ADAM9: variants seen among roughly 807,000 people sequenced by gnomAD.
ADAM9 encodes the protein ADAM metallopeptidase domain 9.
Under a neutral mutation model 108.1 loss-of-function variants are expected in ADAM9, and 54 were observed. The ratio of observed to expected loss-of-function variants is 0.50; its 90% CI spans 0.40 to 0.63. ADAM9 has a LOEUF of 0.63. Ranked by LOEUF, ADAM9 falls within the 20% of genes least tolerant of loss-of-function variation. The probability of loss-of-function intolerance (pLI) is 0.00; values close to 1 mark genes in which losing one functional copy is unlikely to be tolerated. For missense variants in ADAM9, 830 were observed against 997.7 expected (o/e 0.83, Z 2.26); for synonymous variants, 316 against 336.0 (o/e 0.94, Z 0.65).
intron 16 of ADAM9, among the ~76,000 whole-genome samples, chr8:39,080,192 AT>A (rs1838977354): frequency 6.6e-6 from 1 of 151,338 alleles, no homozygotes; most frequent in Non-Finnish European, 1.5e-5. Context: ...TAACAAAAAA[AT>A]GAATATATTT....
chr8:39,032,118 A>T (rs1359513460), intron 11 of ADAM9, among the ~76,000 whole-genome samples: 2 of 152,234 alleles, frequency 1.3e-5, no homozygotes, highest in South Asian at 4.1e-4. Flanking sequence ...GTTAGGCTAC[A>T]TGGGTGTCAG....
intron 4 of ADAM9, 148 bp downstream of exon 4, chr8:39,014,191 TG>T: frequency 1.4e-6 from 1 of 700,538 alleles, no homozygotes; most frequent in South Asian, 1.6e-5. Context: ...TTGGGAAAAG[TG>T]GGTGCATTTC....
At chr8:39,068,472 C>G (rs572909955) in intron 14 of ADAM9, among the ~76,000 whole-genome samples, 8 of 151,556 alleles carry the variant, frequency 5.3e-5, no homozygotes, top group African/African-American at 1.7e-4. Context: ...GTCAGGAGTT[C>G]GAGACCAGCC....
intron 20 of ADAM9, among the ~76,000 whole-genome samples, chr8:39,101,524 G>A (rs1033141205): frequency 1.3e-5 from 2 of 152,166 alleles, no homozygotes; most frequent in African/African-American, 4.8e-5. Context: ...TTTGCTTTCT[G>A]ATGGTTCAGC....
At position 39,104,220 on chromosome 8, in the gene ADAM9, C is replaced by G. The variant is rs188793827; in HGVS notation, c.*520C>G. Reference sequence around the variant, plus strand: ...ACTCTAGAATCTTGTCTGTCACTCACTACATGAATAAGCAAATATTGTCTT... The same window carrying G: ...ACTCTAGAATCTTGTCTGTCACTCAGTACATGAATAAGCAAATATTGTCTT... On this transcript the variant is annotated 3_prime_UTR_variant, in exon 22 of 22. Transcript: ENST00000487273. 5.9e-5 allele frequency: 27 copies of G among 453,940 alleles called. No homozygotes were observed. The East Asian group carries it at 1.8e-3, about 30-fold the overall frequency. 28.1% of individuals were successfully genotyped at this position (453,940 alleles called of 1,614,324 possible).
At chr8:39,067,386 A>G (rs1005422938) in intron 14 of ADAM9, among the ~76,000 whole-genome samples, 11 of 152,282 alleles carry the variant, frequency 7.2e-5, no homozygotes, top group African/African-American at 2.7e-4. Flanking sequence ...ATCCATGAGC[A>G]TGGAATGTTC....
intron 15 of ADAM9, among the ~76,000 whole-genome samples, chr8:39,072,614 C>A (rs1306686616): frequency 6.6e-6 from 1 of 152,224 alleles, no homozygotes; most frequent in African/African-American, 2.4e-5. Flanking sequence ...CTGCATGTGG[C>A]CTGCGGCCAC....
chr8:39,024,183 GA>G (rs1285681709), intron 9 of ADAM9, among the ~76,000 whole-genome samples: 2 of 152,142 alleles, frequency 1.3e-5, no homozygotes, highest in Non-Finnish European at 2.9e-5. Flanking sequence ...CCCGTCACTG[GA>G]AACTTGTAGG....
chr8:39,009,360 C>T (rs142377375), intron 2 of ADAM9, among the ~76,000 whole-genome samples: 105 of 152,336 alleles, frequency 6.9e-4, no homozygotes, highest in African/African-American at 2.3e-3. Flanking sequence ...GTGCCTCTGC[C>T]TCCTGAGTAG....
intron 11 of ADAM9, among the ~76,000 whole-genome samples, chr8:39,027,062 G>T (rs921460894): frequency 6.6e-6 from 1 of 151,586 alleles, no homozygotes; most frequent in African/African-American, 2.4e-5. Context: ...ATTCCAGAGA[G>T]CTTTAAGAAG....
chr8:39,011,321 T>C (rs2129432432), intron 2 of ADAM9, among the ~76,000 whole-genome samples: 1 of 152,328 alleles, frequency 6.6e-6, no homozygotes, highest in East Asian at 1.9e-4. Flanking sequence ...TTTCATTTCA[T>C]TTAGACAAAA....
At chr8:39,057,569 G>A (rs1227014894) in intron 14 of ADAM9, among the ~76,000 whole-genome samples, 2 of 152,046 alleles carry the variant, frequency 1.3e-5, no homozygotes, top group Non-Finnish European at 2.9e-5. Flanking sequence ...AGAGCTGATG[G>A]TATAGTTCCA....
At chr8:39,023,742 T>G (rs943596061) in intron 9 of ADAM9, among the ~76,000 whole-genome samples, 3 of 132,060 alleles carry the variant, frequency 2.3e-5, no homozygotes, top group Non-Finnish European at 3.2e-5. Context: ...TTGCGTTTGT[T>G]TTTTTTTTTT....
At position 39,045,323 on chromosome 8, in the gene ADAM9, CAT is replaced by C. The variant is rs754258450; in HGVS notation, c.1302+3207_1302+3208del. On this transcript the variant is annotated intron_variant, in intron 12 of 21. Transcript: ENST00000487273. ...CTATACATGTGTGTGTACACCTATA[CAT>C]GTGTGTGTACACCTATACATGTGTG... 1.4e-4 allele frequency among the ~76,000 whole-genome samples: 20 copies of C among 145,734 alleles called. 4 individuals are homozygous for C. Among genetic ancestry groups the C allele is most frequent in the East Asian group, 4.1e-4 (2 of 4,854 alleles).
chr8:39,018,820 C>A, intron 6 of ADAM9, 33 bp from the exon 7 acceptor site: 1 of 1,603,772 alleles, frequency 6.2e-7, no homozygotes, highest in Non-Finnish European at 8.5e-7. Context: ...TTATAACTTC[C>A]TTTTGCCTTT....
At position 39,090,079 on chromosome 8, in the gene ADAM9, GTCT is replaced by G. The variant is rs746548581; in HGVS notation, c.2110_2112del (p.Phe704del). The G allele has an allele frequency of 1.1e-5, 17 of 1,613,800 alleles. No homozygotes were observed. Among genetic ancestry groups the G allele is most frequent in the Middle Eastern group, 1.7e-4 (1 of 6,058 alleles). On this transcript the variant is annotated inframe_deletion, in exon 19 of 22. Transcript: ENST00000487273. The stretch of plus-strand genomic sequence containing the variant: ...TACTGCATTGAGGGACGGACTTCTG[GTCT>G]TCTTCTTCCTAATTGTTCCCCTTAT...
chr8:39,061,983 G>A (rs1189508044), intron 14 of ADAM9, among the ~76,000 whole-genome samples: 2 of 152,134 alleles, frequency 1.3e-5, no homozygotes, highest in South Asian at 2.1e-4. Flanking sequence ...AGATCAAAGT[G>A]CCAGTCAATT....
In ADAM9 at chr8:39,059,242, C is replaced by A. The variant is rs150190535; in HGVS notation, c.1591+3470C>A. ...GAGTGTTGCTACAGAGATGGCAAAT[C>A]TATATCAAGAGTACGTGTGTCTGTC... is the stretch of plus-strand genomic sequence containing the variant. On this transcript the variant is annotated intron_variant, in intron 14 of 21. Transcript: ENST00000487273. Among the ~76,000 whole-genome samples the A allele has an allele frequency of 2.1e-4, 32 of 152,300 alleles. No homozygotes were observed. The East Asian group carries it at 6.2e-3, about 29-fold the overall frequency.
chr8:39,026,959 CTTT>C (rs376324160), intron 11 of ADAM9, 149 bp downstream of exon 11: 494 of 722,968 alleles, frequency 6.8e-4, no homozygotes, highest in East Asian at 1.2e-3. Context: ...AATGAGAAGT[CTTT>C]TTTTTTTTTT....
Sources: gnomAD v4.1 joint callset for allele counts (sites outside exome capture counted in the v4.1 genomes callset) on GRCh38, gnomAD v4.1.1 for gene constraint, MANE v1.5 for transcripts, NCBI Gene and HGNC (gene_info 2026-07-23, HGNC 2026-07-21) for gene names.